NTRK2: variants seen among roughly 807,000 people sequenced by gnomAD.
NTRK2 encodes BDNF/NT-3 growth factors receptor.
NTRK2 carries 13 observed loss-of-function variants against 94.5 expected under a neutral mutation model. The observed-to-expected ratio is 0.14, with a 90% confidence interval of 0.09 to 0.22. The LOEUF is 0.22. Ranked by LOEUF, NTRK2 falls within the 10% of genes least tolerant of loss-of-function variation. NTRK2 has a pLI of 1.00. For missense variants in NTRK2, 639 were observed against 1,071.2 expected, an observed-to-expected ratio of 0.60 and a Z score of 5.63; for synonymous variants, 372 against 407.4, an observed-to-expected ratio of 0.91 and a Z score of 1.05.
chr9:84,706,521 GTTTTTGTT>G lies in NTRK2; in HGVS notation c.360-1317_360-1310del, dbSNP rs1457760198. Among the ~76,000 whole-genome samples the G allele has an allele frequency of 4.3e-4, 41 of 95,382 alleles. 1 individual carries two copies. The Middle Eastern group carries it at 0.017, about 39-fold the overall frequency. The allele number at this position is 95,382 out of a possible 152,430, so 62.6% of individuals were successfully genotyped here. The stretch of plus-strand genomic sequence containing the variant: ...TCAGATCTCATGTGTGTTATTTTTT[GTTTTTGTT>G]TTTTTTTTTTTTTTTTTTGAGACGG... On this transcript the variant is annotated intron_variant, in intron 4 of 18. Coordinates refer to ENST00000277120, the MANE Select transcript of NTRK2 (RefSeq NM_006180.6).
chr9:84,831,369 G>GC (rs2073533656), intron 12 of NTRK2, among the ~76,000 whole-genome samples: 4 of 152,096 alleles, frequency 2.6e-5, no homozygotes, highest in Non-Finnish European at 5.9e-5. Context: ...TTGCTTTAGT[G>GC]TTTATATGCT....
chr9:84,877,216 G>T (rs201031659), intron 14 of NTRK2: 11 of 1,065,014 alleles, frequency 1.0e-5, no homozygotes, highest in Non-Finnish European at 1.0e-5. Context: ...TGATTCATCG[G>T]CATAGTTCTT....
intron 12 of NTRK2, among the ~76,000 whole-genome samples, chr9:84,860,490 G>A (rs1025157677): frequency 1.3e-5 from 2 of 152,064 alleles, no homozygotes; most frequent in African/African-American, 2.4e-5. Context: ...TATCTAGCCC[G>A]TGTCTACTCT....
At chr9:84,920,883 T>A (rs1023240912) in intron 14 of NTRK2, among the ~76,000 whole-genome samples, 1 of 152,236 alleles carries the variant, frequency 6.6e-6, no homozygotes, top group Non-Finnish European at 1.5e-5. Flanking sequence ...AACTTCAGCA[T>A]AAATTCCAGT....
chr9:84,671,921 T>C (rs1446828516), intron 2 of NTRK2, among the ~76,000 whole-genome samples: 1 of 152,184 alleles, frequency 6.6e-6, no homozygotes, highest in Non-Finnish European at 1.5e-5. Context: ...ATTGTTATCA[T>C]TTTTTTCCTG....
intron 12 of NTRK2, among the ~76,000 whole-genome samples, chr9:84,853,357 C>T (rs1174408960): frequency 6.6e-6 from 1 of 152,132 alleles, no homozygotes; most frequent in Admixed American, 6.5e-5. Flanking sequence ...AGAGAGGGCC[C>T]ACATCTTCTG....
chr9:84,727,782 A>C lies in NTRK2; in HGVS notation c.982A>C (p.Lys328Gln), dbSNP rs201032414. Residue 328 changes from lysine to glutamine, a missense_variant, in exon 9 of 19, where the codon AAA becomes CAA. By Grantham distance (53) the Lys-to-Gln change is moderately conservative (BLOSUM62 1). Around this residue, in one of 5 missense-constraint regions of NTRK2, gnomAD observed 343 missense variants for 571.5 expected, o/e 0.60. Transcript: ENST00000277120. Reference protein sequence around the residue: ...FYNGAILNESKYICTKIHVTN... With the variant: ...FYNGAILNESQYICTKIHVTN... ...TAACGGGGCAATATTGAATGAGTCC[A>C]AATACATCTGTACTAAAATACATGT... 5.0e-5 allele frequency: 80 copies of C among 1,614,132 alleles called. No homozygotes were observed. The highest frequency in any genetic ancestry group is 6.5e-5 in the Non-Finnish European group (77 of 1,180,044).
At chr9:84,796,268 T>C (rs2133283855) in intron 12 of NTRK2, among the ~76,000 whole-genome samples, 1 of 152,296 alleles carries the variant, frequency 6.6e-6, no homozygotes, top group East Asian at 1.9e-4. Context: ...CCTAGTGGTC[T>C]CAAAAAGGCT....
rs745629106 is a variant in NTRK2, at chr9:84,727,859, C to T, written c.1059C>T (p.His353=). 1.2e-6 allele frequency: 2 copies of T among 1,614,172 alleles called. No individual in the cohort carries two copies. The highest frequency in any genetic ancestry group is 1.7e-5 in the Admixed American group (1 of 60,022). ...HGCLQLDNPT[H]MNNGDYTLIA... is the part of the protein sequence containing the mutation. Reference sequence around the variant, plus strand: ...GCCTCCAGCTGGATAATCCCACTCACATGAACAATGGGGACTACACTCTAA... The same window carrying T: ...GCCTCCAGCTGGATAATCCCACTCATATGAACAATGGGGACTACACTCTAA... The change falls in exon 9 of 19, where the codon CAC becomes CAT. Residue 353 remains histidine (H), a synonymous_variant. Transcript: ENST00000277120.
intron 4 of NTRK2, among the ~76,000 whole-genome samples, chr9:84,705,622 C>A (rs1388402948): frequency 6.6e-6 from 1 of 152,128 alleles, no homozygotes; most frequent in Non-Finnish European, 1.5e-5. Context: ...TGCTGCCTCT[C>A]TCTGCCTTTT....
rs189469818 is a variant in NTRK2 at position 84,976,844 on chromosome 9, G to A, written c.2172+21327G>A. Reference sequence around the variant, plus strand: ...AAGCAGTGTTATTAAAAATATTCTTGAAATTTGAAGAGGAAAATTAGATCA... The same window carrying A: ...AAGCAGTGTTATTAAAAATATTCTTAAAATTTGAAGAGGAAAATTAGATCA... On this transcript the variant is annotated intron_variant, in intron 17 of 18. Transcript: ENST00000277120. Among the ~76,000 whole-genome samples, 14 of 152,234 alleles carry A rather than the reference G, an allele frequency of 9.2e-5. No individual in the cohort carries two copies. In the East Asian group the frequency reaches 2.7e-3, roughly 29 times the overall value.
chr9:84,945,089 G>A (rs1333965654), intron 15 of NTRK2, among the ~76,000 whole-genome samples: 1 of 152,140 alleles, frequency 6.6e-6, no homozygotes, highest in Non-Finnish European at 1.5e-5. Flanking sequence ...ACAAGTTTGG[G>A]GCCAACTCTC....
chr9:84,927,392 G>T (rs1418375272), intron 14 of NTRK2, among the ~76,000 whole-genome samples: 2 of 152,070 alleles, frequency 1.3e-5, no homozygotes. Context: ...TGGCATGAAA[G>T]ATATAAGTAC....
At chr9:84,952,349 G>A (rs781722960) in intron 16 of NTRK2, among the ~76,000 whole-genome samples, 8 of 152,198 alleles carry the variant, frequency 5.3e-5, no homozygotes, top group Non-Finnish European at 1.0e-4. Flanking sequence ...GTGCAGTGCC[G>A]GCTGTAACCC....
At chr9:84,900,483 C>T (rs1486093633) in intron 14 of NTRK2, among the ~76,000 whole-genome samples, 2 of 152,096 alleles carry the variant, frequency 1.3e-5, no homozygotes, top group Non-Finnish European at 2.9e-5. Flanking sequence ...CCAGAAACCC[C>T]ATGAAAAGTA....
At chr9:84,834,052 T>C (rs1056834529) in intron 12 of NTRK2, among the ~76,000 whole-genome samples, 5 of 152,178 alleles carry the variant, frequency 3.3e-5, no homozygotes, top group African/African-American at 1.2e-4. Flanking sequence ...TCTGTGGTGT[T>C]ATACTGTCAC....
rs373528431 is a variant in NTRK2, at chr9:84,772,485, C to T, written c.1396+20400C>T. Among the ~76,000 whole-genome samples, 11 of 152,250 alleles carry T rather than the reference C, an allele frequency of 7.2e-5. No homozygotes were observed. The East Asian group carries it at 1.9e-3, about 27-fold the overall frequency. Reference sequence around the variant, plus strand: ...CTGGTTTCAAACTTCTGGCCTTAAGCAATCTGCCCACCTCGGCCTCCCAAG... The same window carrying T: ...CTGGTTTCAAACTTCTGGCCTTAAGTAATCTGCCCACCTCGGCCTCCCAAG... On this transcript the variant is annotated intron_variant, in intron 12 of 18. Transcript: ENST00000277120.
chr9:84,728,715 A>G (rs962295814), intron 9 of NTRK2, among the ~76,000 whole-genome samples: 1 of 151,904 alleles, frequency 6.6e-6, no homozygotes, highest in Admixed American at 6.6e-5. Flanking sequence ...TTTTCCTAGG[A>G]GTGGTAATAG....
chr9:84,881,602 A>G (rs2076256235), intron 14 of NTRK2, among the ~76,000 whole-genome samples: 1 of 152,252 alleles, frequency 6.6e-6, no homozygotes, highest in African/African-American at 2.4e-5. Context: ...GATCTTATCT[A>G]CTTTGCCTGT....
Sources: gnomAD v4.1 joint callset for allele counts (sites outside exome capture counted in the v4.1 genomes callset) on GRCh38, gnomAD v4.1.1 for gene constraint, gnomAD v4.1.1 regional missense constraint, MANE v1.5 for transcripts, NCBI Gene and HGNC (gene_info 2026-07-23, HGNC 2026-07-21) for gene names.